The following SENP1 variants were observed in gnomAD, a reference collection of about 807,000 sequenced individuals.
SENP1 encodes sentrin-specific protease 1.
SENP1 carries 21 observed loss-of-function variants against 93.0 expected under a neutral mutation model. That is an observed-to-expected ratio of 0.23 (90% CI 0.16 to 0.33). SENP1 has a LOEUF of 0.33. SENP1 is among the 10% of genes least tolerant of loss of function. SENP1 has a pLI of 1.00. For synonymous variants in SENP1, 256 were observed against 259.6 expected, an observed-to-expected ratio of 0.99 and a Z score of 0.13; for missense variants, 591 against 758.7, an observed-to-expected ratio of 0.78 and a Z score of 2.60.
chr12:48,075,642 A>G (rs568457133), intron 6 of SENP1, among the ~76,000 whole-genome samples: 150 of 152,340 alleles, frequency 9.8e-4, no homozygotes, highest in Non-Finnish European at 1.6e-3. Context: ...TATACTTCCT[A>G]ACATTCATTC....
At chr12:48,048,900 A>C in intron 14 of SENP1, 29 bp downstream of exon 14, 1 of 1,565,102 alleles carries the variant, frequency 6.4e-7, no homozygotes, top group African/African-American at 1.4e-5. Context: ...TAGCTTTTAC[A>C]TTTTATCAAA....
At chr12:48,095,261 G>C (rs951977166) in intron 4 of SENP1, among the ~76,000 whole-genome samples, 2 of 152,022 alleles carry the variant, frequency 1.3e-5, no homozygotes, top group African/African-American at 4.8e-5. Context: ...ATCCAGCCAG[G>C]TGCAGCGGCT....
intron 4 of SENP1, among the ~76,000 whole-genome samples, chr12:48,092,619 G>A (rs1945288386): frequency 6.6e-6 from 1 of 152,014 alleles, no homozygotes; most frequent in Non-Finnish European, 1.5e-5. Flanking sequence ...ATTTCAGTAT[G>A]ACTTTATTAT....
chr12:48,085,353 T>C lies in SENP1; in HGVS notation c.381-1591A>G, dbSNP rs576847803. On this transcript the variant is annotated intron_variant, in intron 5 of 17. Coordinates refer to ENST00000549518, the MANE Select transcript of SENP1 (RefSeq NM_001267594.2). ...GGAGATCCCCTCCAAGGAGCACCCA[T>C]ATGAGGACGCCAAGGACTCCACCCT... 1.1e-5 allele frequency: 15 copies of C among 1,424,952 alleles called. No individual in the cohort carries two copies. The Admixed American group carries it at 2.2e-4, about 21-fold the overall frequency. The allele number at this position is 1,424,952 out of a possible 1,614,324, so 88.3% of individuals were successfully genotyped here.
intron 17 of SENP1, 118 bp from the exon 18 acceptor site, chr12:48,045,502 G>T: frequency 1.3e-6 from 1 of 760,916 alleles, no homozygotes; most frequent in Non-Finnish European, 2.2e-6. Context: ...TGTATTTCTG[G>T]TCTTTTAAAT....
intron 13 of SENP1, among the ~76,000 whole-genome samples, chr12:48,062,334 T>C (rs1943010734): frequency 6.6e-6 from 1 of 152,236 alleles, no homozygotes; most frequent in Non-Finnish European, 1.5e-5. Flanking sequence ...CCTCCTTTGA[T>C]TTGGTGAGCT....
intron 10 of SENP1, 51 bp from the exon 11 acceptor site, chr12:48,065,731 A>T: frequency 1.7e-6 from 2 of 1,186,752 alleles, no homozygotes; most frequent in Non-Finnish European, 2.4e-6. Flanking sequence ...TCATTATGAA[A>T]CATATTGTTG....
intron 9 of SENP1, among the ~76,000 whole-genome samples, chr12:48,069,172 A>G (rs1215978566): frequency 1.3e-5 from 2 of 150,684 alleles, no homozygotes; most frequent in Admixed American, 1.3e-4. Flanking sequence ...AAAAAAAAAA[A>G]AAAAAAGAAA....
At chr12:48,091,140 A>C (rs575415204) in intron 4 of SENP1, among the ~76,000 whole-genome samples, 1 of 152,276 alleles carries the variant, frequency 6.6e-6, no homozygotes, top group South Asian at 2.1e-4. Flanking sequence ...GAATATAATA[A>C]ACTTCATATT....
At chr12:48,084,394 G>T (rs1235962910) in intron 5 of SENP1, among the ~76,000 whole-genome samples, 1 of 148,472 alleles carries the variant, frequency 6.7e-6, no homozygotes, top group Admixed American at 6.7e-5. Flanking sequence ...TTGGCAAGAA[G>T]AATATTGTGA....
At chr12:48,096,460 ATT>A (rs749718788) in intron 3 of SENP1, 33 bp from the exon 4 acceptor site, 4,500 of 1,140,082 alleles carry the variant, frequency 3.9e-3, no homozygotes, top group Admixed American at 4.1e-3. Flanking sequence ...CTTAAGTCAC[ATT>A]TTTTTTTTTT....
intron 6 of SENP1, chr12:48,081,245 T>C (rs1944468452): frequency 6.6e-6 from 1 of 152,116 alleles, no homozygotes; most frequent in Non-Finnish European, 1.5e-5. Flanking sequence ...ACTCCAGTAA[T>C]TATTTATGCA....
At chr12:48,105,781 GGA>G (rs369237878) in intron 1 of SENP1, 1 of 578,144 alleles carries the variant, frequency 1.7e-6, no homozygotes, top group Non-Finnish European at 3.1e-6. Context: ...CCGCGGCCCA[GGA>G]GAGAGAGACC....
intron 10 of SENP1, among the ~76,000 whole-genome samples, chr12:48,066,004 ATTTT>A (rs1217897067): frequency 6.6e-6 from 1 of 152,142 alleles, no homozygotes; most frequent in East Asian, 1.9e-4. Flanking sequence ...CACCCGACCT[ATTTT>A]TACTGAAATT....
rs1176485626 is a variant in SENP1 at position 48,078,317 on chromosome 12, T to A, written c.553-3524A>T. On this transcript the variant is annotated intron_variant, in intron 6 of 17. Transcript: ENST00000549518. The stretch of plus-strand genomic sequence containing the variant: ...GTTTTTTGGTGGAGTCTGTAGGATT[T>A]TATATATATATATATATACACACAC... Among the ~76,000 whole-genome samples the A allele has an allele frequency of 5.0e-3, 353 of 70,526 alleles. 11 individuals carry two copies. The highest frequency in any genetic ancestry group is 0.017 in the African/African-American group (342 of 20,066). The allele number at this position is 70,526 out of a possible 152,430, so 46.3% of individuals were successfully genotyped here.
chr12:48,067,778 G>A (rs1943397140), intron 9 of SENP1, among the ~76,000 whole-genome samples: 1 of 151,796 alleles, frequency 6.6e-6, no homozygotes, highest in Admixed American at 6.6e-5. Flanking sequence ...TTCAAGACCA[G>A]CCTGGGCAAC....
intron 1 of SENP1, among the ~76,000 whole-genome samples, chr12:48,103,165 C>A (rs1946069844): frequency 6.6e-6 from 1 of 152,130 alleles, no homozygotes. Flanking sequence ...AACTTAAAAG[C>A]TTGGTGCCCA....
intron 10 of SENP1, among the ~76,000 whole-genome samples, 157 bp downstream of exon 10, chr12:48,066,770 C>A (rs953230351): frequency 3.9e-5 from 6 of 152,160 alleles, no homozygotes; most frequent in African/African-American, 1.4e-4. Context: ...CCTCAGCCTC[C>A]CAAAATGCTG....
chr12:48,047,008 A>G lies in SENP1; in HGVS notation c.1746T>C (p.Asn582=). 1 of 1,612,894 alleles carries G rather than the reference A, an allele frequency of 6.2e-7. No individual in the cohort carries two copies. The highest frequency in any genetic ancestry group is 1.7e-5 in the Admixed American group (1 of 59,982). The part of the protein sequence containing the change: ...IDKKRKEFDT[N]GWQLFSKKSQ... ...TTTTCTTGCTGAAAAGCTGCCAGCC[A>G]TTGGTGTCAAACTCTTTCCTTTTCT... The change falls in exon 16 of 18, where the codon AAT becomes AAC. Residue 582 remains asparagine, a synonymous_variant. Transcript: ENST00000549518.
Sources: gnomAD v4.1 joint callset for allele counts (sites outside exome capture counted in the v4.1 genomes callset) on GRCh38, gnomAD v4.1.1 for gene constraint, MANE v1.5 for transcripts, NCBI Gene and HGNC (gene_info 2026-07-23, HGNC 2026-07-21) for gene names.